The following C5orf46 variants were observed in gnomAD, a reference collection of about 807,000 sequenced individuals.
C5orf46 encodes the protein uncharacterized protein C5orf46.
In C5orf46, 9 loss-of-function variants were observed where a neutral mutation model predicts 8.9. The ratio of observed to expected loss-of-function variants is 1.01; its 90% confidence interval spans 0.61 to 1.76. The LOEUF (loss-of-function observed/expected upper bound fraction) is 1.76. Among genes scored for constraint, C5orf46 ranks in the 40% most tolerant of loss-of-function variants. The pLI is 0.00. For missense variants in C5orf46, 98 were observed against 107.8 expected, an observed-to-expected ratio of 0.91 and a Z score of 0.40; for synonymous variants, 47 against 41.4, an observed-to-expected ratio of 1.14 and a Z score of -0.52.
downstream of C5orf46, among the ~76,000 whole-genome samples, chr5:147,888,231 A>G (rs1439266208): frequency 2.0e-5 from 3 of 152,144 alleles, no homozygotes; most frequent in Non-Finnish European, 4.4e-5. Context: ...TTCTGTCTGC[A>G]TTGACCCTCC....
rs1246692073 is a variant in C5orf46 at position 147,901,775 on chromosome 5, T to C, written c.71-2A>G. 4 of 1,612,914 alleles carry C rather than the reference T, an allele frequency of 2.5e-6. No individual in the cohort carries two copies. Among genetic ancestry groups the C allele is most frequent in the Non-Finnish European group, 3.4e-6 (4 of 1,179,588 alleles). ...CGTCTGGCTTGTCTGGTTTGTCGTCTGAAAAACAACAGAATCTCAGAGGTG... is the reference window on the plus strand; with the variant it reads ...CGTCTGGCTTGTCTGGTTTGTCGTCCGAAAAACAACAGAATCTCAGAGGTG... On this transcript the variant is annotated splice_acceptor_variant, in intron 1 of 3. Transcript: ENST00000318315. LOFTEE classifies it high-confidence loss of function.
chr5:147,899,709 G>A (rs1178823666), intron 2 of C5orf46, among the ~76,000 whole-genome samples: 1 of 152,196 alleles, frequency 6.6e-6, no homozygotes, highest in Non-Finnish European at 1.5e-5. Context: ...AGAATAACAG[G>A]CAGTGGGAAT....
chr5:147,889,748 C>CGTT (rs530058028), downstream of C5orf46, among the ~76,000 whole-genome samples: 13 of 152,104 alleles, frequency 8.5e-5, no homozygotes, highest in Non-Finnish European at 1.3e-4. Context: ...TTGGCTCCAG[C>CGTT]GTTACTCAAC....
rs115954574 is a variant in C5orf46, at chr5:147,904,293, C to T, written c.70+2139G>A. Among the ~76,000 whole-genome samples the T allele has an allele frequency of 9.0e-3, 1,369 of 152,308 alleles. 13 individuals are homozygous for T. The highest frequency in any genetic ancestry group is 0.015 in the Non-Finnish European group (1,019 of 68,016). On this transcript the variant is annotated intron_variant, in intron 1 of 3. Coordinates refer to ENST00000318315, the MANE Select transcript of C5orf46 (RefSeq NM_206966.3). ...TAGCTCAGCAGTGGTATCACAGTTA[C>T]AGCAGAGAAGACAGATGCTCAGGAA...
chr5:147,896,887 C>A (rs1580983962), intron 3 of C5orf46, 97 bp downstream of exon 3: 4 of 491,726 alleles, frequency 8.1e-6, no homozygotes, highest in Non-Finnish European at 1.5e-5. Flanking sequence ...TGTAGGTAGA[C>A]ATGGGTAACC....
At chr5:147,896,100 CT>C (rs1757576146) in intron 3 of C5orf46, among the ~76,000 whole-genome samples, 1 of 152,146 alleles carries the variant, frequency 6.6e-6, no homozygotes, top group African/African-American at 2.4e-5. Flanking sequence ...CTATGAACAT[CT>C]TGAGGTATGA....
At chr5:147,886,056 T>G (rs1014617968) in intron 2 of C5orf46, 1 of 152,150 alleles carries the variant, frequency 6.6e-6, no homozygotes, top group Non-Finnish European at 1.5e-5. Flanking sequence ...AGAATTATGC[T>G]GAGTGAAAAA....
At chr5:147,891,381 G>A (rs886812487), downstream of C5orf46, among the ~76,000 whole-genome samples, 10 of 152,110 alleles carry the variant, frequency 6.6e-5, no homozygotes, top group African/African-American at 9.7e-5. Flanking sequence ...AGGCAATGAA[G>A]GGGAGGAAGA....
intron 2 of C5orf46, chr5:147,887,272 T>C (rs184916260): frequency 2.2e-4 from 33 of 152,274 alleles, no homozygotes; most frequent in African/African-American, 7.2e-4. Flanking sequence ...TGTGTATATA[T>C]GCAAGGTAGA....
intron 1 of C5orf46, among the ~76,000 whole-genome samples, chr5:147,903,738 G>C (rs1229796999): frequency 6.6e-6 from 1 of 152,002 alleles, no homozygotes; most frequent in Non-Finnish European, 1.5e-5. Flanking sequence ...AAGTATTTTT[G>C]GGCCTACTTT....
downstream of C5orf46, among the ~76,000 whole-genome samples, chr5:147,889,465 A>G (rs895223073): frequency 4.6e-5 from 7 of 152,136 alleles, no homozygotes; most frequent in Admixed American, 4.6e-4. Context: ...TCACATGGTA[A>G]CATATGCCAC....
downstream of C5orf46, among the ~76,000 whole-genome samples, chr5:147,889,507 A>C (rs114674561): frequency 0.014 from 2,181 of 152,292 alleles, 54 homozygotes; most frequent in African/African-American, 0.049. Context: ...ATTTTGAAGA[A>C]AACATTCTGT....
At chr5:147,898,361 G>A (rs1757615562) in intron 2 of C5orf46, among the ~76,000 whole-genome samples, 1 of 152,116 alleles carries the variant, frequency 6.6e-6, no homozygotes, top group Admixed American at 6.6e-5. Context: ...TGAGCAGGAA[G>A]GATTTGAGAA....
downstream of C5orf46, among the ~76,000 whole-genome samples, chr5:147,889,830 T>G (rs1167335790): frequency 6.6e-6 from 1 of 152,152 alleles, no homozygotes; most frequent in East Asian, 1.9e-4. Flanking sequence ...TTGTACTAAG[T>G]ATGAGGATTC....
intron 1 of C5orf46, among the ~76,000 whole-genome samples, chr5:147,902,009 C>CA (rs1356586437): frequency 6.6e-6 from 1 of 152,190 alleles, no homozygotes; most frequent in East Asian, 1.9e-4. Context: ...TAGACACTGG[C>CA]ACCGCCTGGT....
At chr5:147,903,968 G>A (rs566611137) in intron 1 of C5orf46, among the ~76,000 whole-genome samples, 2 of 152,010 alleles carry the variant, frequency 1.3e-5, no homozygotes, top group Admixed American at 6.6e-5. Context: ...GGCTGGTCTC[G>A]AACTCCTGGG....
Position 147,901,770 on chromosome 5 carries a change from T to C in C5orf46, c.74A>G (p.Asp25Gly). The C allele has an allele frequency of 6.2e-7, 1 of 1,613,440 alleles. No individual in the cohort carries two copies. Among genetic ancestry groups the C allele is most frequent in the African/African-American group, 1.3e-5 (1 of 75,016 alleles). ...LVLFLTCYADDKPDKPDDKPD... is the reference protein window; with the variant it reads ...LVLFLTCYADGKPDKPDDKPD... Reference sequence around the variant, plus strand: ...CTTGTCGTCTGGCTTGTCTGGTTTGTCGTCTGAAAAACAACAGAATCTCAG... The same window carrying C: ...CTTGTCGTCTGGCTTGTCTGGTTTGCCGTCTGAAAAACAACAGAATCTCAG... Residue 25 changes from aspartate to glycine, a missense_variant, in exon 2 of 4, where the codon GAC becomes GGC. Physicochemically the swap from Asp to Gly is moderately conservative, Grantham distance 94. Transcript: ENST00000318315.
downstream of C5orf46, among the ~76,000 whole-genome samples, chr5:147,887,858 C>A (rs1315408084): frequency 6.6e-6 from 1 of 152,096 alleles, no homozygotes; most frequent in South Asian, 2.1e-4. Context: ...GTACTAAGTG[C>A]ATGAATATCC....
chr5:147,898,521 G>A (rs1171862004), intron 2 of C5orf46, among the ~76,000 whole-genome samples: 2 of 152,074 alleles, frequency 1.3e-5, no homozygotes, highest in East Asian at 1.9e-4. Flanking sequence ...CAAGCAATCA[G>A]TTATTCCATC....
Sources: gnomAD v4.1 joint callset for allele counts (sites outside exome capture counted in the v4.1 genomes callset) on GRCh38, gnomAD v4.1.1 for gene constraint, MANE v1.5 for transcripts, NCBI Gene and HGNC (gene_info 2026-07-23, HGNC 2026-07-21) for gene names.